The following ZMYND11 variants were observed in gnomAD, a reference collection of about 807,000 sequenced individuals.
ZMYND11 encodes the protein zinc finger MYND domain-containing protein 11.
ZMYND11 carries 9 observed loss-of-function variants against 84.9 expected under a neutral mutation model. The observed-to-expected ratio is 0.11, with a 90% confidence interval of 0.06 to 0.18. The LOEUF is 0.18. Ranked by LOEUF, ZMYND11 falls within the 10% of genes least tolerant of loss-of-function variation. The pLI is 1.00. For synonymous variants in ZMYND11, 250 were observed against 244.1 expected, an observed-to-expected ratio of 1.02 and a Z score of -0.23; for missense variants, 409 against 761.0, an observed-to-expected ratio of 0.54 and a Z score of 5.44.
chr10:161,035 G>A (rs537703758), intron 1 of ZMYND11, among the ~76,000 whole-genome samples: 2 of 142,100 alleles, frequency 1.4e-5, no homozygotes, highest in Middle Eastern at 4.0e-3. Context: ...AAACAGGGCT[G>A]ACTGCAGCCT....
Position 185,607 on chromosome 10 carries a change from G to T in ZMYND11, c.116+5479G>T, listed in dbSNP as rs573355417. On this transcript the variant is annotated intron_variant, in intron 2 of 14. Coordinates refer to ENST00000381604, the MANE Select transcript of ZMYND11 (RefSeq NM_001370100.5). ...GGTGGGTGGATTGCCTGAGGTCAGG[G>T]GTTCGAGACCAGCCTTGCCAACATA... 1.1e-4 allele frequency among the ~76,000 whole-genome samples: 17 copies of T among 151,146 alleles called. No homozygotes were observed. The South Asian group carries it at 3.3e-3, about 30-fold the overall frequency.
intron 2 of ZMYND11, among the ~76,000 whole-genome samples, chr10:194,403 C>T (rs1483494360): frequency 2.6e-5 from 4 of 152,164 alleles, no homozygotes; most frequent in African/African-American, 9.7e-5. Flanking sequence ...AATATCCTTT[C>T]ATGTACAGGT....
chr10:211,614 G>T (rs992362939), intron 3 of ZMYND11, among the ~76,000 whole-genome samples: 7 of 152,098 alleles, frequency 4.6e-5, no homozygotes, highest in Admixed American at 1.3e-4. Context: ...CTTTAACTTT[G>T]TTTTTGTCAA....
At chr10:230,431 C>T (rs919080606) in intron 4 of ZMYND11, among the ~76,000 whole-genome samples, 3 of 146,058 alleles carry the variant, frequency 2.1e-5, no homozygotes. Flanking sequence ...TGAGATCGCA[C>T]CACTGCACTC....
Position 217,330 on chromosome 10 carries a change from G to A in ZMYND11, c.277-3865G>A, listed in dbSNP as rs547469439. Among the ~76,000 whole-genome samples, 393 of 152,214 alleles carry A rather than the reference G, an allele frequency of 2.6e-3. 3 individuals are homozygous for A. Among genetic ancestry groups the A allele is most frequent in the African/African-American group, 9.1e-3 (376 of 41,534 alleles). ...AAGCTTAGGAGTTTGAGATCGGCCT[G>A]GGTAACATGGCGAAATCCCGTCTCT... On this transcript the variant is annotated intron_variant, in intron 3 of 14. Transcript: ENST00000381604.
At position 252,306 on chromosome 10, in the gene ZMYND11, C is replaced by T. The variant is rs531382997; in HGVS notation, c.1687-42C>T. 7.5e-6 allele frequency: 12 copies of T among 1,610,272 alleles called. No individual in the cohort carries two copies. In the South Asian group the frequency reaches 1.0e-4, roughly 13 times the overall value. ...CCATTTTAACCAGTCGCTTACACAT[C>T]CACACCCAAGTCTAAAGACTGCCCC... On this transcript the variant is annotated intron_variant, in intron 14 of 14. Transcript: ENST00000381604. This position sits in a 1 kb window ranked among gnomAD's most constrained non-coding sequence, Gnocchi z 4.6.
chr10:137,462 C>T lies in ZMYND11; in HGVS notation c.-20+1903C>T, dbSNP rs528773927. On this transcript the variant is annotated intron_variant, in intron 1 of 14. Coordinates refer to ENST00000381604, the MANE Select transcript of ZMYND11 (RefSeq NM_001370100.5). ...ATAATTTAATCTGTTTGTCCAAAAG[C>T]AGAAAGTAAATGTTTACTTGTTTTC... 3.9e-5 allele frequency among the ~76,000 whole-genome samples: 6 copies of T among 152,274 alleles called. No homozygotes were observed. The East Asian group carries it at 1.2e-3, about 29-fold the overall frequency.
rs557594146 is a variant in ZMYND11, at chr10:221,889, T to C, written c.438+533T>C. Among the ~76,000 whole-genome samples, 16 of 152,330 alleles carry C rather than the reference T, an allele frequency of 1.1e-4. 1 individual carries two copies. The South Asian group carries it at 1.2e-3, about 12-fold the overall frequency. ...GTATAAAGAATTCTAATTATTTTTT[T>C]AAAGTAAAATGAAATTGCCCCATAG... On this transcript the variant is annotated intron_variant, in intron 4 of 14. Coordinates refer to ENST00000381604, the MANE Select transcript of ZMYND11 (RefSeq NM_001370100.5).
intron 2 of ZMYND11, among the ~76,000 whole-genome samples, chr10:199,309 TCCTC>T (rs58240424): frequency 0.92 from 124,011 of 134,826 alleles, 57,400 homozygotes; most frequent in Non-Finnish European, 0.97. Flanking sequence ...CTCCCTCTCT[TCCTC>T]CCTCCCTCCC....
intron 4 of ZMYND11, among the ~76,000 whole-genome samples, chr10:230,395 C>A (rs1413132854): frequency 7.1e-6 from 1 of 141,364 alleles, no homozygotes; most frequent in African/African-American, 2.6e-5. Context: ...ATTGCTTGAA[C>A]CCTGGATGCG....
At chr10:222,365 A>G (rs1947272503) in intron 4 of ZMYND11, among the ~76,000 whole-genome samples, 1 of 152,174 alleles carries the variant, frequency 6.6e-6, no homozygotes, top group South Asian at 2.1e-4. Context: ...ATACTTACTC[A>G]TTAGGCATAC....
intron 14 of ZMYND11, 106 bp downstream of exon 14, chr10:249,194 A>G: frequency 3.2e-6 from 5 of 1,552,026 alleles, no homozygotes; most frequent in Non-Finnish European, 3.5e-6. Flanking sequence ...TGTTTCTGAA[A>G]TAAGATCAAA....
intron 4 of ZMYND11, among the ~76,000 whole-genome samples, chr10:224,007 G>C (rs985456278): frequency 2.0e-5 from 3 of 151,980 alleles, no homozygotes; most frequent in African/African-American, 7.2e-5. Context: ...AAAGAATGAT[G>C]AAGATAAGGT....
chr10:247,822 C>CA (rs1952475850), intron 12 of ZMYND11, among the ~76,000 whole-genome samples: 1 of 152,164 alleles, frequency 6.6e-6, no homozygotes, highest in South Asian at 2.1e-4. Flanking sequence ...ATCAGTTGTG[C>CA]CAACATTTAA....
At chr10:242,358 TC>T (rs1308227335) in intron 10 of ZMYND11, among the ~76,000 whole-genome samples, 16 of 152,194 alleles carry the variant, frequency 1.1e-4, no homozygotes, top group African/African-American at 3.9e-4. Context: ...CTGTTGAACT[TC>T]AGAAGCACAT....
intron 4 of ZMYND11, 121 bp from the exon 5 acceptor site, chr10:236,717 A>G: frequency 2.5e-6 from 2 of 785,754 alleles, no homozygotes; most frequent in Non-Finnish European, 4.0e-6. Flanking sequence ...ATGTTGGAAA[A>G]AGAGCACTTT....
chr10:171,836 C>G (rs1201271064), intron 1 of ZMYND11, among the ~76,000 whole-genome samples: 2 of 152,132 alleles, frequency 1.3e-5, no homozygotes, highest in Non-Finnish European at 2.9e-5. Flanking sequence ...AGAATGTCCC[C>G]TCACCACACT....
chr10:234,695 T>C (rs894631854), intron 4 of ZMYND11, among the ~76,000 whole-genome samples: 1 of 152,070 alleles, frequency 6.6e-6, no homozygotes, highest in Non-Finnish European at 1.5e-5. Context: ...TGTGTTTTTA[T>C]TCTCCTTTTA....
At chr10:161,668 A>G (rs1191614935) in intron 1 of ZMYND11, among the ~76,000 whole-genome samples, 1 of 152,142 alleles carries the variant, frequency 6.6e-6, no homozygotes, top group Admixed American at 6.5e-5. Flanking sequence ...TTTTATGGAG[A>G]CAGCTTTTTT....
Sources: gnomAD v4.1 joint callset for allele counts (sites outside exome capture counted in the v4.1 genomes callset) on GRCh38, gnomAD v4.1.1 for gene constraint, Gnocchi (gnomAD v3.1) non-coding constraint, MANE v1.5 for transcripts, NCBI Gene and HGNC (gene_info 2026-07-23, HGNC 2026-07-21) for gene names.